Variants in ZFAND3 observed in about 807,000 individuals in gnomAD.
ZFAND3 encodes zinc finger AN1-type containing 3.
In ZFAND3, 10 loss-of-function variants were observed where a neutral mutation model predicts 29.6. The observed-to-expected ratio is 0.34, with a 90% CI of 0.21 to 0.57. The LOEUF (loss-of-function observed/expected upper bound fraction) is 0.57. Ranked by LOEUF, ZFAND3 falls within the 20% of genes least tolerant of loss-of-function variation. The pLI, the probability that ZFAND3 is intolerant of heterozygous loss-of-function variation, is 0.86. For synonymous variants in ZFAND3, 128 were observed against 112.6 expected, an observed-to-expected ratio of 1.14 and a Z score of -0.87; for missense variants, 230 against 304.5, an observed-to-expected ratio of 0.76 and a Z score of 1.82.
intron 5 of ZFAND3, among the ~76,000 whole-genome samples, chr6:38,141,874 T>A (rs953013544): frequency 6.6e-6 from 1 of 152,134 alleles, no homozygotes; most frequent in African/African-American, 2.4e-5. Flanking sequence ...CCCCGAAGAA[T>A]CATCCCAGGA....
intron 2 of ZFAND3, among the ~76,000 whole-genome samples, chr6:37,951,240 G>T (rs1761992884): frequency 6.6e-6 from 1 of 152,106 alleles, no homozygotes; most frequent in South Asian, 2.1e-4. Context: ...CTGGAACGTT[G>T]CCGAAGTTGT....
At chr6:38,117,839 C>T (rs1438551064) in intron 5 of ZFAND3, among the ~76,000 whole-genome samples, 1 of 152,160 alleles carries the variant, frequency 6.6e-6, no homozygotes, top group African/African-American at 2.4e-5. Flanking sequence ...TGCTACGGTT[C>T]CTCAATTATC....
intron 5 of ZFAND3, among the ~76,000 whole-genome samples, chr6:38,120,724 A>G (rs569238564): frequency 6.6e-6 from 1 of 152,350 alleles, no homozygotes; most frequent in South Asian, 2.1e-4. Context: ...TTTTCAATTG[A>G]TGGTGCATTA....
At position 38,153,076 on chromosome 6, in the gene ZFAND3, C is replaced by T. The variant is rs973897301; in HGVS notation, c.*687C>T. ...ATTAGCTCCACTCAAGACTAGTCCA[C>T]GAACGAGACCCGCCTTTTCTACACA... is the stretch of plus-strand genomic sequence containing the variant. On this transcript the variant is annotated 3_prime_UTR_variant, in exon 6 of 6. Coordinates refer to ENST00000287218, the MANE Select transcript of ZFAND3 (RefSeq NM_021943.3). The T allele has an allele frequency of 2.8e-5, 28 of 985,398 alleles. No individual in the cohort carries two copies. Among genetic ancestry groups the T allele is most frequent in the Non-Finnish European group, 3.1e-5 (26 of 829,940 alleles). The allele number at this position is 985,398 out of a possible 1,614,324, so 61.0% of individuals were successfully genotyped here.
At chr6:37,896,040 C>T (rs946557848) in intron 1 of ZFAND3, among the ~76,000 whole-genome samples, 6 of 152,154 alleles carry the variant, frequency 3.9e-5, no homozygotes, top group Admixed American at 6.5e-5. Context: ...AGTCTTTGTC[C>T]TTCCTTACAT....
chr6:37,848,284 A>G (rs1244082491), intron 1 of ZFAND3, among the ~76,000 whole-genome samples: 1 of 152,374 alleles, frequency 6.6e-6, no homozygotes, highest in East Asian at 1.9e-4. Flanking sequence ...CTTTTTAAAA[A>G]TAGCTTACAT....
intron 1 of ZFAND3, among the ~76,000 whole-genome samples, chr6:37,835,721 C>A (rs1763955378): frequency 6.6e-6 from 1 of 151,952 alleles, no homozygotes; most frequent in Admixed American, 6.6e-5. Flanking sequence ...GAGTATGTTT[C>A]CTATGCATGT....
At chr6:38,138,727 TTGAC>T (rs1403436982) in intron 5 of ZFAND3, among the ~76,000 whole-genome samples, 1 of 152,212 alleles carries the variant, frequency 6.6e-6, no homozygotes, top group African/African-American at 2.4e-5. Flanking sequence ...AGCCCACAGT[TTGAC>T]TTGAACAGCA....
At chr6:38,096,640 G>A (rs925061601) in intron 4 of ZFAND3, among the ~76,000 whole-genome samples, 1 of 151,980 alleles carries the variant, frequency 6.6e-6, no homozygotes, top group Admixed American at 6.6e-5. Context: ...ACTTTGTGGG[G>A]GTTTTTTTGT....
chr6:37,897,379 C>A (rs531287415), intron 1 of ZFAND3, among the ~76,000 whole-genome samples: 5 of 152,152 alleles, frequency 3.3e-5, no homozygotes, highest in African/African-American at 1.2e-4. Flanking sequence ...ATTCTCATCC[C>A]ATTGTGTGAA....
chr6:37,961,706 A>G (rs1762201670), intron 2 of ZFAND3, among the ~76,000 whole-genome samples: 1 of 152,258 alleles, frequency 6.6e-6, no homozygotes, highest in Admixed American at 6.5e-5. Context: ...GAAGAAAACA[A>G]GAGTCTTTTT....
chr6:38,037,169 T>C (rs989250552), intron 2 of ZFAND3, among the ~76,000 whole-genome samples: 1 of 152,250 alleles, frequency 6.6e-6, no homozygotes, highest in African/African-American at 2.4e-5. Flanking sequence ...TGGCCATGTC[T>C]ACCTTAGAAC....
At chr6:37,856,930 T>G (rs1232164813) in intron 1 of ZFAND3, among the ~76,000 whole-genome samples, 1 of 148,050 alleles carries the variant, frequency 6.8e-6, no homozygotes, top group African/African-American at 2.5e-5. Context: ...ATTAATATTA[T>G]TTATTGTTTA....
intron 2 of ZFAND3, among the ~76,000 whole-genome samples, chr6:38,049,682 T>A (rs936413149): frequency 6.6e-6 from 1 of 152,182 alleles, no homozygotes; most frequent in Non-Finnish European, 1.5e-5. Context: ...GGATAAAAAT[T>A]AGTCAGTTAG....
At chr6:37,928,268 T>C (rs1017744462) in intron 1 of ZFAND3, among the ~76,000 whole-genome samples, 1 of 152,214 alleles carries the variant, frequency 6.6e-6, no homozygotes, top group African/African-American at 2.4e-5. Context: ...GGAGGCTTGC[T>C]TTAATTGTAA....
At chr6:37,973,576 C>A (rs1233770668) in intron 2 of ZFAND3, among the ~76,000 whole-genome samples, 1 of 152,142 alleles carries the variant, frequency 6.6e-6, no homozygotes, top group Non-Finnish European at 1.5e-5. Context: ...CTGCATTTTC[C>A]ATTTTATTTA....
chr6:37,989,121 G>A (rs1285120960), intron 2 of ZFAND3, among the ~76,000 whole-genome samples: 4 of 151,996 alleles, frequency 2.6e-5, no homozygotes, highest in Middle Eastern at 3.2e-3. Context: ...TTGGCCAGGC[G>A]GGCCTCAAAC....
intron 1 of ZFAND3, among the ~76,000 whole-genome samples, chr6:37,916,108 G>A (rs963123440): frequency 6.7e-6 from 1 of 150,168 alleles, no homozygotes; most frequent in African/African-American, 2.5e-5. Flanking sequence ...AAAAAAGTTT[G>A]CTGGCTTGTA....
intron 1 of ZFAND3, among the ~76,000 whole-genome samples, chr6:37,843,971 G>A (rs1342475602): frequency 6.6e-6 from 1 of 151,872 alleles, no homozygotes; most frequent in Non-Finnish European, 1.5e-5. Flanking sequence ...AGGCTGGAGT[G>A]CAATGGTGTG....
Sources: allele counts gnomAD v4.1 joint callset (sites outside exome capture counted in the v4.1 genomes callset), GRCh38; gene constraint gnomAD v4.1.1; transcripts MANE v1.5; gene names NCBI Gene and HGNC (gene_info 2026-07-23, HGNC 2026-07-21).